The following GRIK2 variants were observed in gnomAD, a reference collection of about 807,000 sequenced individuals.
The protein encoded by GRIK2 is glutamate ionotropic receptor kainate type subunit 2, also known as glutamate receptor ionotropic, kainate 2.
In GRIK2, 32 loss-of-function variants were observed where a neutral mutation model predicts 100.3. The observed-to-expected ratio is 0.32, with a 90% CI of 0.24 to 0.43. The LOEUF (loss-of-function observed/expected upper bound fraction) is 0.43. Ranked by LOEUF, GRIK2 falls within the 20% of genes least tolerant of loss-of-function variation. GRIK2 has a pLI of 1.00. For missense variants in GRIK2, 843 were observed against 1,114.9 expected, an observed-to-expected ratio of 0.76 and a Z score of 3.47; for synonymous variants, 417 against 389.4, an observed-to-expected ratio of 1.07 and a Z score of -0.83.
At chr6:102,045,585 G>C (rs1479014950) in intron 15 of GRIK2, among the ~76,000 whole-genome samples, 2 of 151,692 alleles carry the variant, frequency 1.3e-5, no homozygotes, top group Non-Finnish European at 2.9e-5. Flanking sequence ...AAAATCATCT[G>C]GTATCAAGAG....
chr6:101,860,915 G>T, intron 11 of GRIK2: 1 of 913,486 alleles, frequency 1.1e-6, no homozygotes, highest in Non-Finnish European at 1.3e-6. Flanking sequence ...AATTTCTGAG[G>T]CATTAGGTAT....
At chr6:101,573,097 C>T (rs141784913) in intron 2 of GRIK2, among the ~76,000 whole-genome samples, 1,550 of 152,048 alleles carry the variant, frequency 0.01, 8 homozygotes, top group Non-Finnish European at 0.016. Context: ...CCACCTTCCT[C>T]GGCCTCCCAA....
chr6:101,561,345 G>A (rs1273077009), intron 2 of GRIK2, among the ~76,000 whole-genome samples: 1 of 151,730 alleles, frequency 6.6e-6, no homozygotes, highest in East Asian at 1.9e-4. Flanking sequence ...CATGGAGGCA[G>A]AGAATGTAAT....
chr6:101,507,420 C>T (rs1038300413), intron 2 of GRIK2, among the ~76,000 whole-genome samples: 44 of 151,980 alleles, frequency 2.9e-4, no homozygotes, highest in African/African-American at 9.9e-4. Flanking sequence ...TTCCTACTAT[C>T]GATTTTTCTC....
chr6:101,905,723 C>T (rs1206760438), intron 12 of GRIK2, among the ~76,000 whole-genome samples: 1 of 151,248 alleles, frequency 6.6e-6, no homozygotes, highest in Non-Finnish European at 1.5e-5. Context: ...ATCCATGCAT[C>T]AATTTATCAA....
chr6:101,495,792 A>G (rs1488683568), intron 2 of GRIK2, among the ~76,000 whole-genome samples: 1 of 152,040 alleles, frequency 6.6e-6, no homozygotes, highest in Non-Finnish European at 1.5e-5. Context: ...GTTGGGTTCC[A>G]TTATACAAAC....
chr6:101,702,693 G>A (rs1772981396), intron 7 of GRIK2, among the ~76,000 whole-genome samples: 1 of 151,944 alleles, frequency 6.6e-6, no homozygotes, highest in Admixed American at 6.6e-5. Context: ...ATTAGGATAA[G>A]AAGATGGAGA....
rs148876893 is a variant in GRIK2 at position 101,802,377 on chromosome 6, A to G, written c.1142A>G (p.Asn381Ser). Reference protein sequence around the residue: ...LTGRITFNKTNGLRTDFDLDV... With the variant: ...LTGRITFNKTSGLRTDFDLDV... The stretch of plus-strand genomic sequence containing the variant: ...GGCAGAATAACTTTCAACAAAACCA[A>G]TGGCTTGAGAACAGATTTTGATTTG... The change falls in exon 9 of 17, where the codon AAT (asparagine) becomes AGT (serine). Residue 381 changes from asparagine (N) to serine (S), a missense_variant. This residue lies in a region of GRIK2 where 519 missense variants were observed against 643.8 expected (regional missense o/e 0.81). Transcript: ENST00000369134. 17 of 1,593,218 alleles carry G rather than the reference A, an allele frequency of 1.1e-5. No homozygotes were observed. The Admixed American group carries it at 1.2e-4, about 11-fold the overall frequency.
At chr6:101,465,546 T>C (rs1771599067) in intron 2 of GRIK2, among the ~76,000 whole-genome samples, 1 of 152,228 alleles carries the variant, frequency 6.6e-6, no homozygotes, top group East Asian at 1.9e-4. Context: ...TCCATATCTT[T>C]GTTATTGTGG....
intron 14 of GRIK2, among the ~76,000 whole-genome samples, chr6:101,930,379 C>T (rs1006518123): frequency 2.0e-5 from 3 of 151,612 alleles, no homozygotes; most frequent in Non-Finnish European, 2.9e-5. Context: ...ATAAATAAGT[C>T]GCTGAAATTG....
chr6:101,648,150 A>G (rs1393468610), intron 4 of GRIK2, among the ~76,000 whole-genome samples: 2 of 152,036 alleles, frequency 1.3e-5, no homozygotes, highest in African/African-American at 4.8e-5. Flanking sequence ...TATGTTTCAG[A>G]CTTGCAGTAA....
At position 101,757,913 on chromosome 6, in the gene GRIK2, C is replaced by T. The variant is rs1414036778; in HGVS notation, c.952-41735C>T. Among the ~76,000 whole-genome samples, 3 of 152,164 alleles carry T rather than the reference C, an allele frequency of 2.0e-5. No individual in the cohort carries two copies. The South Asian group carries it at 6.2e-4, about 31-fold the overall frequency. On this transcript the variant is annotated intron_variant, in intron 7 of 16. Transcript: ENST00000369134. Reference sequence around the variant, plus strand: ...AGAATTGATATCTGAATTATAAATGCTAGCTTTATTTTTGGCATTAAGAAA... The same window carrying T: ...AGAATTGATATCTGAATTATAAATGTTAGCTTTATTTTTGGCATTAAGAAA...
At chr6:101,578,619 G>GT (rs1440348578) in intron 2 of GRIK2, among the ~76,000 whole-genome samples, 4 of 151,244 alleles carry the variant, frequency 2.6e-5, no homozygotes, top group African/African-American at 9.8e-5. Flanking sequence ...TAGCCAGGAG[G>GT]GGATAGAACA....
chr6:101,398,874 A>C (rs896401804), intron 1 of GRIK2, 111 bp from the exon 2 acceptor site: 5 of 424,280 alleles, frequency 1.2e-5, no homozygotes, highest in African/African-American at 8.1e-5. Flanking sequence ...GGCCTGGCAA[A>C]ACCTTTGCTA....
At chr6:102,068,303 T>A (rs773741085) in intron 16 of GRIK2, 44 bp from the exon 17 acceptor site, 3 of 1,385,942 alleles carry the variant, frequency 2.2e-6, no homozygotes, top group African/African-American at 1.4e-5. Flanking sequence ...ACAGTTACAG[T>A]TTATGTATCT....
chr6:101,591,035 C>T (rs1319142591), intron 2 of GRIK2, among the ~76,000 whole-genome samples: 1 of 151,852 alleles, frequency 6.6e-6, no homozygotes, highest in Non-Finnish European at 1.5e-5. Context: ...TTTTGGACAC[C>T]TATTAAAATA....
intron 14 of GRIK2, among the ~76,000 whole-genome samples, chr6:101,929,949 AT>A (rs1790154080): frequency 6.6e-6 from 1 of 152,190 alleles, no homozygotes; most frequent in African/African-American, 2.4e-5. Context: ...ATTTGACTAT[AT>A]TAATTGCGAT....
chr6:101,535,155 A>G (rs546230095), intron 2 of GRIK2, among the ~76,000 whole-genome samples: 12 of 151,844 alleles, frequency 7.9e-5, no homozygotes, highest in Admixed American at 2.0e-4. Context: ...AAAAAAACAG[A>G]ATTCTATTAA....
chr6:101,775,514 T>C (rs1778682725), intron 7 of GRIK2, among the ~76,000 whole-genome samples: 1 of 120,706 alleles, frequency 8.3e-6, no homozygotes, highest in Non-Finnish European at 1.7e-5. Context: ...TCTTTATATA[T>C]ATATGTGTGT....
Sources: allele counts gnomAD v4.1 joint callset (sites outside exome capture counted in the v4.1 genomes callset), GRCh38; gene constraint gnomAD v4.1.1; regional missense constraint gnomAD v4.1.1; transcripts MANE v1.5; gene names NCBI Gene and HGNC (gene_info 2026-07-23, HGNC 2026-07-21).